CACNA1D: variants seen among roughly 807,000 people sequenced by gnomAD.
CACNA1D encodes calcium voltage-gated channel subunit alpha1 D.
Under a neutral mutation model 257.1 loss-of-function variants are expected in CACNA1D, and 55 were observed. That is an observed-to-expected ratio of 0.21 (90% CI 0.17 to 0.27). The LOEUF is 0.27. Ranked by LOEUF, CACNA1D falls within the 10% of genes least tolerant of loss-of-function variation. The pLI, the probability that CACNA1D is intolerant of heterozygous loss-of-function variation, is 1.00. For missense variants in CACNA1D, 1,876 were observed against 2,784.0 expected, an observed-to-expected ratio of 0.67 and a Z score of 7.34; for synonymous variants, 980 against 1,014.9, an observed-to-expected ratio of 0.97 and a Z score of 0.65.
chr3:53,745,647 G>A lies in CACNA1D; in HGVS notation c.3030G>A (p.Val1010=). 1 of 1,613,874 alleles carries A rather than the reference G, an allele frequency of 6.2e-7. No homozygotes were observed. The highest frequency in any genetic ancestry group is 8.5e-7 in the Non-Finnish European group (1 of 1,179,776). The change falls in exon 24 of 48, where the codon GTG becomes GTA. Residue 1010 remains valine, a synonymous_variant. Coordinates refer to ENST00000350061, the MANE Select transcript of CACNA1D (RefSeq NM_001128840.3). ...AGCACGTGGTCCAGTGCGTCTTCGT[G>A]GCCATCCGGACCATCGGCAACATCA... ...GLKHVVQCVF[V]AIRTIGNIMI... is the part of the protein sequence containing the mutation.
At chr3:53,763,059 C>A (rs757516326) in intron 30 of CACNA1D, among the ~76,000 whole-genome samples, 1 of 152,182 alleles carries the variant, frequency 6.6e-6, no homozygotes. Flanking sequence ...AGGCAGGAGA[C>A]CCCACAGCCA....
At chr3:53,596,703 C>G (rs114955184) in intron 3 of CACNA1D, among the ~76,000 whole-genome samples, 146 of 152,306 alleles carry the variant, frequency 9.6e-4, no homozygotes, top group African/African-American at 3.3e-3. Context: ...GGCAAGGAAA[C>G]AGGTTCAGCC....
chr3:53,650,552 A>C (rs1241563472), intron 3 of CACNA1D, among the ~76,000 whole-genome samples: 1 of 152,272 alleles, frequency 6.6e-6, no homozygotes, highest in Non-Finnish European at 1.5e-5. Context: ...GCAGCCTGGA[A>C]CGAAAAGTGT....
intron 3 of CACNA1D, among the ~76,000 whole-genome samples, chr3:53,572,358 GT>G (rs2092959655): frequency 3.0e-5 from 1 of 33,488 alleles, no homozygotes; most frequent in East Asian, 6.9e-4. Flanking sequence ...TCTGCCTCTG[GT>G]TTGTTTGTTT....
At chr3:53,678,923 A>G (rs552083778) in intron 8 of CACNA1D, 5 of 152,278 alleles carry the variant, frequency 3.3e-5, no homozygotes, top group African/African-American at 1.2e-4. Context: ...AAGTGGAGAC[A>G]TATCCTCTGG....
chr3:53,658,817 C>A (rs1368559443), intron 4 of CACNA1D, among the ~76,000 whole-genome samples: 1 of 152,198 alleles, frequency 6.6e-6, no homozygotes, highest in Non-Finnish European at 1.5e-5. Flanking sequence ...CCATCTGAAG[C>A]TTTGTAAAGG....
chr3:53,693,297 C>T (rs1002400430), intron 8 of CACNA1D, among the ~76,000 whole-genome samples: 20 of 152,172 alleles, frequency 1.3e-4, no homozygotes, highest in Non-Finnish European at 2.9e-4. Flanking sequence ...CCCCACCCCA[C>T]TCTGCCTATT....
intron 10 of CACNA1D, 73 bp downstream of exon 10, chr3:53,718,461 C>T (rs1004730082): frequency 3.6e-6 from 5 of 1,385,320 alleles, no homozygotes; most frequent in East Asian, 4.7e-5. Flanking sequence ...GAAGACCGCC[C>T]AGGCTGCAGC....
At chr3:53,725,520 A>G (rs1015522755) in intron 14 of CACNA1D, among the ~76,000 whole-genome samples, 1 of 152,186 alleles carries the variant, frequency 6.6e-6, no homozygotes, top group African/African-American at 2.4e-5. Flanking sequence ...AAATGTTGAC[A>G]CACGTGCCCA....
intron 3 of CACNA1D, among the ~76,000 whole-genome samples, chr3:53,631,344 C>A (rs1399142557): frequency 1.3e-5 from 2 of 152,208 alleles, no homozygotes; most frequent in South Asian, 2.1e-4. Flanking sequence ...AAACCACTTT[C>A]TTTGCTCATC....
intron 3 of CACNA1D, among the ~76,000 whole-genome samples, chr3:53,576,016 G>C (rs77831691): frequency 1.3e-5 from 2 of 152,112 alleles, no homozygotes; most frequent in East Asian, 3.9e-4. Context: ...AGAGATTTTT[G>C]TGTCTGGTGG....
intron 3 of CACNA1D, among the ~76,000 whole-genome samples, chr3:53,519,871 C>T (rs554746198): frequency 2.6e-5 from 4 of 152,272 alleles, no homozygotes; most frequent in East Asian, 1.9e-4. Flanking sequence ...TGTGGATTTA[C>T]CTATTCTGAA....
intron 3 of CACNA1D, among the ~76,000 whole-genome samples, chr3:53,608,520 A>C (rs1447542351): frequency 6.6e-6 from 1 of 152,184 alleles, no homozygotes; most frequent in Non-Finnish European, 1.5e-5. Context: ...ACGATGTGGA[A>C]TAGGAGTAGT....
intron 3 of CACNA1D, among the ~76,000 whole-genome samples, chr3:53,617,463 C>T (rs2093649836): frequency 6.6e-6 from 1 of 152,176 alleles, no homozygotes; most frequent in African/African-American, 2.4e-5. Context: ...GTAGTATTTT[C>T]AGTTTCATAA....
chr3:53,809,870 TG>T, intron 46 of CACNA1D, 107 bp from the exon 47 acceptor site: 1 of 984,464 alleles, frequency 1.0e-6, no homozygotes, highest in Non-Finnish European at 1.6e-6. Context: ...AGTCCTTGCC[TG>T]GACTGCCCCT....
At chr3:53,691,337 C>T (rs913106140) in intron 8 of CACNA1D, among the ~76,000 whole-genome samples, 1 of 151,758 alleles carries the variant, frequency 6.6e-6, no homozygotes, top group Non-Finnish European at 1.5e-5. Context: ...ATGGGGTTTC[C>T]CTATGTTGGC....
chr3:53,690,595 C>T (rs907942496), intron 8 of CACNA1D, among the ~76,000 whole-genome samples: 3 of 152,172 alleles, frequency 2.0e-5, no homozygotes, highest in Admixed American at 6.5e-5. Context: ...ACTCCCCCTG[C>T]GGGGGGATCT....
chr3:53,635,016 T>C (rs1379187136), intron 3 of CACNA1D, among the ~76,000 whole-genome samples: 1 of 152,140 alleles, frequency 6.6e-6, no homozygotes. Flanking sequence ...TACAAAAACA[T>C]ATGTTAAAAA....
In CACNA1D at chr3:53,494,687, C is replaced by G. The variant is rs1346395734; in HGVS notation, c.-480C>G. The G allele has an allele frequency of 6.9e-6, 1 of 145,852 alleles. No individual in the cohort carries two copies. Among genetic ancestry groups the G allele is most frequent in the South Asian group, 1.8e-4 (1 of 5,462 alleles). 9.0% of individuals were successfully genotyped at this position (145,852 alleles called of 1,614,324 possible). On this transcript the variant is annotated 5_prime_UTR_variant, in exon 1 of 48. Transcript: ENST00000350061. ...GCGCCTCCGTCCCCGGATGTGAGCTCCGGCTGCCCGCGGTCCCGAGCCAGC... is the reference window on the plus strand; with the variant it reads ...GCGCCTCCGTCCCCGGATGTGAGCTGCGGCTGCCCGCGGTCCCGAGCCAGC...
Sources: gnomAD v4.1 joint callset for allele counts (sites outside exome capture counted in the v4.1 genomes callset) on GRCh38, gnomAD v4.1.1 for gene constraint, MANE v1.5 for transcripts, NCBI Gene and HGNC (gene_info 2026-07-23, HGNC 2026-07-21) for gene names.